The following PXDNL variants were observed in gnomAD, a reference collection of about 807,000 sequenced individuals.
The protein encoded by PXDNL is peroxidasin like, also known as probable oxidoreductase PXDNL.
In PXDNL, 145 loss-of-function variants were observed where a neutral mutation model predicts 150.8. The observed-to-expected ratio is 0.96, with a 90% CI of 0.84 to 1.10. The LOEUF (loss-of-function observed/expected upper bound fraction) is 1.10. PXDNL is among the 50% of genes least tolerant of loss of function. The pLI, the probability that PXDNL is intolerant of heterozygous loss-of-function variation, is 0.00. For synonymous variants in PXDNL, 757 were observed against 725.7 expected (o/e 1.04, Z -0.69); for missense variants, 2,087 against 1,873.9 (o/e 1.11, Z -2.10).
intron 2 of PXDNL, among the ~76,000 whole-genome samples, chr8:51,652,215 T>C (rs555985197): frequency 6.6e-6 from 1 of 152,310 alleles, no homozygotes; most frequent in South Asian, 2.1e-4. Flanking sequence ...ATATTCTTCA[T>C]GAAAAATTTA....
intron 2 of PXDNL, among the ~76,000 whole-genome samples, chr8:51,601,305 A>T (rs1055972504): frequency 6.6e-6 from 1 of 151,838 alleles, no homozygotes; most frequent in Non-Finnish European, 1.5e-5. Flanking sequence ...GCTCTGTCCA[A>T]TGTTGTCGTT....
At chr8:51,668,303 T>C (rs1815431603) in intron 1 of PXDNL, among the ~76,000 whole-genome samples, 1 of 150,472 alleles carries the variant, frequency 6.6e-6, no homozygotes, top group Non-Finnish European at 1.5e-5. Flanking sequence ...GCCTCCTGAG[T>C]AGCTGGAACT....
intron 6 of PXDNL, among the ~76,000 whole-genome samples, chr8:51,482,140 C>A (rs1382471057): frequency 2.6e-5 from 4 of 152,236 alleles, no homozygotes; most frequent in Non-Finnish European, 5.9e-5. Context: ...CCCTGCAAAG[C>A]CACAGGAGCA....
rs554096494 is a variant in PXDNL at position 51,467,390 on chromosome 8, T to C, written c.812+4797A>G. Among the ~76,000 whole-genome samples the C allele has an allele frequency of 7.8e-4, 118 of 152,182 alleles. 2 individuals are homozygous for C. Among genetic ancestry groups the C allele is most frequent in the African/African-American group, 2.7e-3 (114 of 41,560 alleles). ...TGTAAGTCTACAGACCTACAAATAT[T>C]CCCACTTGTAAGTGGGCACTAAATA... On this transcript the variant is annotated intron_variant, in intron 8 of 22. Transcript: ENST00000356297.
intron 6 of PXDNL, among the ~76,000 whole-genome samples, chr8:51,478,628 G>T (rs1449546182): frequency 1.3e-5 from 2 of 152,190 alleles, no homozygotes; most frequent in East Asian, 3.8e-4. Context: ...ATCCTTCAAA[G>T]TGCCACGCCC....
chr8:51,723,181 AGTC>A (rs1259130480), intron 1 of PXDNL, among the ~76,000 whole-genome samples: 1 of 149,198 alleles, frequency 6.7e-6, no homozygotes, highest in Non-Finnish European at 1.5e-5. Flanking sequence ...AAGGACAATT[AGTC>A]TCCCTTCTGG....
intron 8 of PXDNL, among the ~76,000 whole-genome samples, chr8:51,464,167 C>T (rs1016852817): frequency 6.6e-6 from 1 of 152,040 alleles, no homozygotes; most frequent in African/African-American, 2.4e-5. Context: ...AGTTTGAGAC[C>T]AGCCTAGGCA....
chr8:51,517,212 G>A (rs1563447146), intron 4 of PXDNL, among the ~76,000 whole-genome samples: 1 of 151,936 alleles, frequency 6.6e-6, no homozygotes, highest in African/African-American at 2.4e-5. Context: ...TGATTTCATT[G>A]GGCTGGGTGA....
At chr8:51,392,283 T>C (rs1807934710) in intron 17 of PXDNL, among the ~76,000 whole-genome samples, 1 of 152,206 alleles carries the variant, frequency 6.6e-6, no homozygotes, top group East Asian at 1.9e-4. Context: ...AAGAAAGTCA[T>C]TGGTAGCTTG....
At chr8:51,787,411 TGAGA>T (rs1243715743) in intron 1 of PXDNL, among the ~76,000 whole-genome samples, 4 of 152,216 alleles carry the variant, frequency 2.6e-5, no homozygotes, top group African/African-American at 7.2e-5. Flanking sequence ...TCGTGATTCA[TGAGA>T]GAAAGTCAAA....
chr8:51,339,846 G>A (rs536175602), intron 20 of PXDNL, 93 bp from the exon 21 acceptor site: 17 of 1,224,548 alleles, frequency 1.4e-5, no homozygotes, highest in African/African-American at 4.6e-5. Flanking sequence ...CATTTGGCAT[G>A]TACAAGGCAT....
intron 17 of PXDNL, among the ~76,000 whole-genome samples, chr8:51,381,002 T>C (rs1420323061): frequency 6.6e-6 from 1 of 152,238 alleles, no homozygotes; most frequent in Non-Finnish European, 1.5e-5. Context: ...TATATATGTA[T>C]GTATATATGG....
intron 1 of PXDNL, among the ~76,000 whole-genome samples, chr8:51,767,026 C>A (rs193059610): frequency 6.6e-6 from 1 of 151,880 alleles, no homozygotes; most frequent in African/African-American, 2.4e-5. Context: ...ATAATTTATA[C>A]CTCTATTGAT....
At chr8:51,387,405 G>A (rs532904117) in intron 17 of PXDNL, among the ~76,000 whole-genome samples, 4 of 152,294 alleles carry the variant, frequency 2.6e-5, no homozygotes, top group Non-Finnish European at 4.4e-5. Context: ...GTCCCATCAA[G>A]TAGAGTAACT....
intron 1 of PXDNL, among the ~76,000 whole-genome samples, chr8:51,806,083 T>C (rs1273221480): frequency 6.6e-6 from 1 of 152,244 alleles, no homozygotes; most frequent in African/African-American, 2.4e-5. Context: ...ACAATATCTT[T>C]ATAGTCAGAA....
intron 3 of PXDNL, among the ~76,000 whole-genome samples, chr8:51,559,272 C>G (rs1812663101): frequency 6.6e-6 from 1 of 150,444 alleles, no homozygotes; most frequent in African/African-American, 2.4e-5. Flanking sequence ...CAGAGAGCAG[C>G]TGATCTCATG....
At chr8:51,724,383 C>T (rs1267735675) in intron 1 of PXDNL, among the ~76,000 whole-genome samples, 1 of 152,104 alleles carries the variant, frequency 6.6e-6, no homozygotes, top group Non-Finnish European at 1.5e-5. Flanking sequence ...AGAACAGAGA[C>T]CCCATCTGTT....
chr8:51,592,296 C>A (rs985637151), intron 3 of PXDNL, among the ~76,000 whole-genome samples: 1 of 152,090 alleles, frequency 6.6e-6, no homozygotes, highest in Non-Finnish European at 1.5e-5. Context: ...ACAAAAAAAC[C>A]CTTTTCTGTG....
chr8:51,391,512 A>G (rs1444628671), intron 17 of PXDNL, among the ~76,000 whole-genome samples: 2 of 152,168 alleles, frequency 1.3e-5, no homozygotes, highest in Non-Finnish European at 2.9e-5. Context: ...GCATTTTTTC[A>G]TGTGTTTTTT....
Sources: gnomAD v4.1 joint callset for allele counts (sites outside exome capture counted in the v4.1 genomes callset) on GRCh38, gnomAD v4.1.1 for gene constraint, MANE v1.5 for transcripts, NCBI Gene and HGNC (gene_info 2026-07-23, HGNC 2026-07-21) for gene names.